PLXNA3: variants seen among roughly 807,000 people sequenced by gnomAD.
The protein encoded by PLXNA3 is plexin A3.
Under a neutral mutation model 118.8 loss-of-function variants are expected in PLXNA3, and 52 were observed. The observed-to-expected ratio is 0.44, with a 90% CI of 0.35 to 0.55. The LOEUF is 0.55. Among genes scored for constraint, PLXNA3 ranks in the 20% least tolerant of loss-of-function variants. The probability of loss-of-function intolerance (pLI) is 0.01; values close to 1 mark genes in which losing one functional copy is unlikely to be tolerated. For synonymous variants in PLXNA3, 925 were observed against 762.4 expected (o/e 1.21, Z -3.51); for missense variants, 1,660 against 1,730.8 (o/e 0.96, Z 0.73).
chrX:154,467,804 T>C lies in PLXNA3; in HGVS notation c.3623T>C (p.Leu1208Pro), dbSNP rs1557207823. Residue 1208 changes from leucine (L) to proline (P), a missense_variant, in exon 21 of 33, where the codon CTG (leucine) becomes CCG (proline). Transcript: ENST00000369682. ...VGGLEFWLGTLHISAERALTL... is the reference protein window; with the variant it reads ...VGGLEFWLGTPHISAERALTL... ...GGCCTGGAGTTCTGGCTGGGCACCC[T>C]GCACATCTCGGCAGAGCGGGCGCTG... 8.3e-7 allele frequency: 1 copy of C among 1,203,143 alleles called. No individual in the cohort carries two copies. Among genetic ancestry groups the C allele is most frequent in the Non-Finnish European group, 1.1e-6 (1 of 894,264 alleles).
At chrX:154,458,570 CCCCGCATGGTGGGGACGCCAA>C (rs1439693066) in intron 1 of PLXNA3, 142 bp downstream of exon 1, 8 of 112,892 alleles carry the variant, frequency 7.1e-5, no homozygotes, top group African/African-American at 2.6e-4. Flanking sequence ...ACTCCTTGTG[CCCCGCATGGTGGGGACGCCAA>C]CCCAAGACCA....
rs368269282 is a variant in PLXNA3 at position 154,469,482 on chromosome X, G to A, written c.4698G>A (p.Gln1566=). Residue 1566 remains glutamine, a splice_region_variant and synonymous_variant, in exon 27 of 33, where the codon CAG becomes CAA. Transcript: ENST00000369682. The part of the protein sequence containing the change: ...WKRLNSLAHY[Q]VTDGSLVALV... ...GGCTCAACTCACTGGCCCACTACCA[G>A]GTGAGGGGTTGGGGCCCATTCCTCC... The A allele has an allele frequency of 4.2e-5, 50 of 1,189,868 alleles. No homozygotes were observed. The East Asian group carries it at 8.3e-4, about 20-fold the overall frequency.
At position 154,476,717 on chromosome X, in the gene PLXNA3, C is replaced by CA. The variant is rs2069238816; in HGVS notation, c.*4036dup. 1 of 111,416 alleles carries CA rather than the reference C, an allele frequency of 9.0e-6. No individual in the cohort carries two copies. The highest frequency in any genetic ancestry group is 9.6e-5 in the Admixed American group (1 of 10,459). 9.2% of individuals were successfully genotyped at this position (111,416 alleles called of 1,213,427 possible). A position where few individuals can be genotyped will look rare whatever the true frequency, so the allele number is the denominator to read the frequency against. On this transcript the variant is annotated 3_prime_UTR_variant, in exon 33 of 33. Transcript: ENST00000369682. ...AAATGAAAGAACACGCCAAACCAGACAAAATATATGGAATGCAGAGTATTA... is the reference window on the plus strand; with the variant it reads ...AAATGAAAGAACACGCCAAACCAGACAAAAATATATGGAATGCAGAGTATTA...
chrX:154,460,666 G>T lies in PLXNA3; in HGVS notation c.483G>T (p.Gly161=), dbSNP rs782327538. The change falls in exon 2 of 33, where the codon GGG becomes GGT. Residue 161 remains glycine, a synonymous_variant. Coordinates refer to ENST00000369682, the MANE Select transcript of PLXNA3 (RefSeq NM_017514.5). The part of the protein sequence containing the change: ...MAGVIVEQGQ[G]PSKLFVGTAV... ...GTGTCATTGTGGAGCAGGGCCAGGG[G>T]CCCAGCAAGCTGTTTGTGGGCACTG... The T allele has an allele frequency of 8.6e-7, 1 of 1,166,317 alleles. No homozygotes were observed. Among genetic ancestry groups the T allele is most frequent in the Admixed American group, 2.6e-5 (1 of 39,196 alleles).
chrX:154,471,171 C>T lies in PLXNA3; in HGVS notation c.5223C>T (p.Asn1741=). ...AGTTCGTGTTCGACATCCACAAGAA[C>T]AGCATCACGGATGCCTGCCTGTCGG... is the stretch of plus-strand genomic sequence containing the variant. The part of the protein sequence containing the change: ...NPQFVFDIHK[N]SITDACLSVV... The change falls in exon 31 of 33, where the codon AAC becomes AAT. Residue 1741 remains asparagine, a synonymous_variant. Coordinates refer to ENST00000369682, the MANE Select transcript of PLXNA3 (RefSeq NM_017514.5). The T allele has an allele frequency of 8.3e-7, 1 of 1,210,980 alleles. No homozygotes were observed. Among genetic ancestry groups the T allele is most frequent in the Non-Finnish European group, 1.1e-6 (1 of 894,896 alleles).
Position 154,470,134 on chromosome X carries a change from C to A in PLXNA3, c.4953C>A (p.Ser1651=). 8.3e-7 allele frequency: 1 copy of A among 1,211,271 alleles called. No homozygotes were observed. The highest frequency in any genetic ancestry group is 1.1e-6 in the Non-Finnish European group (1 of 895,413). The change falls in exon 29 of 33, where the codon TCC becomes TCA. Residue 1651 remains serine (S), a synonymous_variant. Transcript: ENST00000369682. The stretch of plus-strand genomic sequence containing the variant: ...GGGACCGTGGCAGCAAGATGGTCTC[C>A]GAGATCTACCTGACACGGCTGCTGG... ...REGDRGSKMV[S]EIYLTRLLAT...
intron 4 of PLXNA3, among the ~76,000 whole-genome samples, chrX:154,462,811 G>T (rs782340246): frequency 9.1e-6 from 1 of 110,421 alleles, no homozygotes; most frequent in Non-Finnish European, 1.9e-5. Context: ...CATGAAGGGG[G>T]AGATGAACTT....
In PLXNA3 at chrX:154,460,457, C is replaced by A. The variant is rs782035047; in HGVS notation, c.274C>A (p.Pro92Thr). The A allele has an allele frequency of 8.3e-7, 1 of 1,204,813 alleles. No individual in the cohort carries two copies. The highest frequency in any genetic ancestry group is 1.7e-5 in the African/African-American group (1 of 57,930). ...GCGCGTGTGTGCCCACCGCCTGGCCCCCGTGGACAACATCAACAAGCTGCT... is the reference window on the plus strand; with the variant it reads ...GCGCGTGTGTGCCCACCGCCTGGCCACCGTGGACAACATCAACAAGCTGCT... ...SMRVCAHRLA[P>T]VDNINKLLLI... The change falls in exon 2 of 33, where the codon CCC becomes ACC. Residue 92 changes from proline to threonine, a missense_variant. By Grantham distance (38) the Pro-to-Thr change is conservative (BLOSUM62 -1). Coordinates refer to ENST00000369682, the MANE Select transcript of PLXNA3 (RefSeq NM_017514.5).
chrX:154,461,685 C>A lies in PLXNA3; in HGVS notation c.1134+47C>A, dbSNP rs2068965944. The A allele has an allele frequency of 2.7e-6, 3 of 1,096,204 alleles. No individual in the cohort carries two copies. The African/African-American group carries it at 5.4e-5, about 20-fold the overall frequency. The allele number at this position is 1,096,204 out of a possible 1,213,427, so 90.3% of individuals were successfully genotyped here. A position where few individuals can be genotyped will look rare whatever the true frequency, so the allele number is the denominator to read the frequency against. Reference sequence around the variant, plus strand: ...ACTGGTCCTCTGCCCTGTCCCAGGTCTACCATGCCCAGCGTGGGCTCACGG... The same window carrying A: ...ACTGGTCCTCTGCCCTGTCCCAGGTATACCATGCCCAGCGTGGGCTCACGG... On this transcript the variant is annotated intron_variant, in intron 3 of 32. Transcript: ENST00000369682.
Position 154,466,407 on chromosome X carries a change from G to T in PLXNA3, c.2831G>T (p.Arg944Leu), listed in dbSNP as rs1193337165. The change falls in exon 16 of 33, where the codon CGT becomes CTT. Residue 944 changes from arginine to leucine, a missense_variant. Physicochemically the swap from Arg to Leu is moderately radical, Grantham distance 102. Around this residue, in one of 2 missense-constraint regions of PLXNA3, gnomAD observed 869 missense variants for 1,078.7 expected, o/e 0.81. Transcript: ENST00000369682. Reference protein sequence around the residue: ...TPTFDQVSPSRGPASGGTRLT... With the variant: ...TPTFDQVSPSLGPASGGTRLT... ...ACGTTTGACCAAGTGAGTCCCAGCC[G>T]TGGCCCGGCGTCCGGGGGCACACGG... The T allele has an allele frequency of 1.7e-6, 2 of 1,210,135 alleles. No individual in the cohort carries two copies. Among genetic ancestry groups the T allele is most frequent in the Admixed American group, 4.4e-5 (2 of 45,960 alleles).
rs2068916779 is a variant in PLXNA3, at chrX:154,460,164, C to T, written c.-20C>T. 2 of 1,109,288 alleles carry T rather than the reference C, an allele frequency of 1.8e-6. No homozygotes were observed. The highest frequency in any genetic ancestry group is 3.7e-5 in the South Asian group (2 of 53,507). The allele number at this position is 1,109,288 out of a possible 1,213,427, so 91.4% of individuals were successfully genotyped here. A position where few individuals can be genotyped will look rare whatever the true frequency, so the allele number is the denominator to read the frequency against. ...CACACCGTCTCTCCCTAGGCCTGTCCCCAGGCGCGGCTGCCGGCCATGCCC... is the reference window on the plus strand; with the variant it reads ...CACACCGTCTCTCCCTAGGCCTGTCTCCAGGCGCGGCTGCCGGCCATGCCC... On this transcript the variant is annotated 5_prime_UTR_variant, in exon 2 of 33. Coordinates refer to ENST00000369682, the MANE Select transcript of PLXNA3 (RefSeq NM_017514.5).
chrX:154,458,799 C>T (rs987619729), intron 1 of PLXNA3, among the ~76,000 whole-genome samples: 1 of 112,182 alleles, frequency 8.9e-6, no homozygotes. Context: ...GCTGCCCCTT[C>T]CTCAGGCTCT....
intron 29 of PLXNA3, 80 bp from the exon 30 acceptor site, chrX:154,470,362 C>T (rs2069166014): frequency 7.6e-6 from 8 of 1,058,728 alleles, no homozygotes; most frequent in Non-Finnish European, 9.0e-6. Context: ...TTTGCCAAGC[C>T]TTTCTGCCTC....
At chrX:154,467,190 C>G (rs782104046) in intron 18 of PLXNA3, 40 bp downstream of exon 18, 2 of 1,208,625 alleles carry the variant, frequency 1.7e-6, no homozygotes, top group South Asian at 3.5e-5. Context: ...ACCCTGCAGC[C>G]CATGGCTTCA....
Position 154,465,003 on chromosome X carries a change from G to T in PLXNA3, c.2044-15G>T. On this transcript the variant is annotated splice_polypyrimidine_tract_variant and intron_variant, in intron 10 of 32. Coordinates refer to ENST00000369682, the MANE Select transcript of PLXNA3 (RefSeq NM_017514.5). ...GGGTGGCCCTGTGTGCAGCTGACAG[G>T]TGCTTTCCCCGCAGGGCTGCCCTGA... The T allele has an allele frequency of 8.5e-7, 1 of 1,178,743 alleles. No homozygotes were observed. The highest frequency in any genetic ancestry group is 1.1e-6 in the Non-Finnish European group (1 of 875,824).
chrX:154,471,017 G>A, intron 30 of PLXNA3, 88 bp from the exon 31 acceptor site: 6 of 737,869 alleles, frequency 8.1e-6, no homozygotes, highest in Non-Finnish European at 6.1e-6. Flanking sequence ...GATGTGAGCC[G>A]GCCCGACAGG....
At chrX:154,464,890 A>G (rs2069051209) in intron 10 of PLXNA3, 22 bp downstream of exon 10, 1 of 1,127,767 alleles carries the variant, frequency 8.9e-7, no homozygotes, top group Non-Finnish European at 1.2e-6. Context: ...GCCGCATGTG[A>G]GGGGCTGGGC....
intron 3 of PLXNA3, among the ~76,000 whole-genome samples, chrX:154,461,902 CAA>C (rs2148245729): frequency 8.9e-6 from 1 of 112,329 alleles, no homozygotes; most frequent in East Asian, 2.8e-4. Flanking sequence ...TGTCTTGAGC[CAA>C]CAAGAGTCTT....
In PLXNA3 at chrX:154,466,359, G is replaced by C. The variant is rs781863804; in HGVS notation, c.2800-17G>C. 13 of 1,211,548 alleles carry C rather than the reference G, an allele frequency of 1.1e-5. No individual in the cohort carries two copies. In the East Asian group the frequency reaches 3.8e-4, roughly 36 times the overall value. On this transcript the variant is annotated splice_polypyrimidine_tract_variant and intron_variant, in intron 15 of 32. Coordinates refer to ENST00000369682, the MANE Select transcript of PLXNA3 (RefSeq NM_017514.5). ...AGCCCGGCCCGGCTCCTCCCCTCAGGGCAGCTTCTCCCGCAGACCCCAACG... is the reference window on the plus strand; with the variant it reads ...AGCCCGGCCCGGCTCCTCCCCTCAGCGCAGCTTCTCCCGCAGACCCCAACG...
Sources: allele counts gnomAD v4.1 joint callset (sites outside exome capture counted in the v4.1 genomes callset), GRCh38; gene constraint gnomAD v4.1.1; regional missense constraint gnomAD v4.1.1; transcripts MANE v1.5; gene names NCBI Gene and HGNC (gene_info 2026-07-23, HGNC 2026-07-21).